The following DNAJC1 variants were observed in gnomAD, a reference collection of about 807,000 sequenced individuals.
DNAJC1 encodes the protein DnaJ heat shock protein family (Hsp40) member C1, also known as dnaJ homolog subfamily C member 1.
DNAJC1 carries 58 observed loss-of-function variants against 76.6 expected under a neutral mutation model. The ratio of observed to expected loss-of-function variants is 0.76; its 90% CI spans 0.61 to 0.94. DNAJC1 has a LOEUF of 0.94. Among genes scored for constraint, DNAJC1 ranks in the 40% least tolerant of loss-of-function variants. DNAJC1 has a pLI of 0.00. For missense variants in DNAJC1, 689 were observed against 677.3 expected (o/e 1.02, Z -0.19); for synonymous variants, 258 against 267.9 (o/e 0.96, Z 0.36).
intron 9 of DNAJC1, among the ~76,000 whole-genome samples, chr10:21,771,887 C>T (rs951852830): frequency 6.6e-6 from 1 of 152,150 alleles, no homozygotes; most frequent in African/African-American, 2.4e-5. Context: ...GATGTTTAAC[C>T]AACCTTGTGT....
chr10:21,765,063 A>G (rs1834282690), intron 10 of DNAJC1, among the ~76,000 whole-genome samples: 1 of 152,134 alleles, frequency 6.6e-6, no homozygotes, highest in South Asian at 2.1e-4. Context: ...TTTCAATGGT[A>G]TGATTTTGGA....
intron 9 of DNAJC1, among the ~76,000 whole-genome samples, chr10:21,780,167 C>T (rs902085285): frequency 9.9e-5 from 15 of 152,250 alleles, no homozygotes; most frequent in Non-Finnish European, 1.5e-4. Context: ...TTGGAAAACA[C>T]TCTTCAGGAT....
At chr10:21,777,421 G>A (rs1834466193) in intron 9 of DNAJC1, among the ~76,000 whole-genome samples, 1 of 152,220 alleles carries the variant, frequency 6.6e-6, no homozygotes, top group Non-Finnish European at 1.5e-5. Context: ...AGAGCATAAT[G>A]AGTCCTTGGA....
chr10:21,901,931 A>G, intron 7 of DNAJC1, among the ~76,000 whole-genome samples: 1 of 152,236 alleles, frequency 6.6e-6, no homozygotes, highest in East Asian at 1.9e-4. Flanking sequence ...AAAGTATACA[A>G]TGCAGAATAC....
At chr10:21,887,639 G>C (rs1026184360) in intron 7 of DNAJC1, among the ~76,000 whole-genome samples, 1 of 152,186 alleles carries the variant, frequency 6.6e-6, no homozygotes, top group East Asian at 1.9e-4. Context: ...AATAAGGAAA[G>C]GACTCCCTAT....
chr10:21,813,319 G>A (rs1329055956), intron 8 of DNAJC1, among the ~76,000 whole-genome samples: 2 of 149,258 alleles, frequency 1.3e-5, no homozygotes, highest in African/African-American at 4.9e-5. Flanking sequence ...CAGTGAGGCC[G>A]CTCAAGCGGC....
intron 9 of DNAJC1, among the ~76,000 whole-genome samples, chr10:21,791,314 C>CA (rs1394605604): frequency 1.3e-5 from 2 of 152,206 alleles, no homozygotes; most frequent in African/African-American, 4.8e-5. Flanking sequence ...ACCCCACACT[C>CA]AGCAGTGGAC....
intron 9 of DNAJC1, 139 bp from the exon 10 acceptor site, chr10:21,766,448 C>T: frequency 3.0e-6 from 2 of 665,586 alleles, no homozygotes; most frequent in Non-Finnish European, 5.3e-6. Flanking sequence ...TCGTCTGTCG[C>T]ATCCATTAAT....
intron 9 of DNAJC1, among the ~76,000 whole-genome samples, chr10:21,777,254 T>C (rs2131625234): frequency 6.6e-6 from 1 of 152,250 alleles, no homozygotes; most frequent in Middle Eastern, 3.4e-3. Context: ...TAAGTACAAA[T>C]TACAAATTCA....
At chr10:21,825,979 G>A (rs1198883205) in intron 8 of DNAJC1, among the ~76,000 whole-genome samples, 2 of 152,146 alleles carry the variant, frequency 1.3e-5, no homozygotes, top group Non-Finnish European at 2.9e-5. Context: ...GCTCATGCCT[G>A]TAATCCCAAC....
At chr10:21,898,261 A>G (rs1455621352) in intron 7 of DNAJC1, among the ~76,000 whole-genome samples, 1 of 152,256 alleles carries the variant, frequency 6.6e-6, no homozygotes, top group East Asian at 1.9e-4. Flanking sequence ...TAGATTTGGA[A>G]TACTCAATGG....
At chr10:21,803,270 A>C (rs1216880241) in intron 9 of DNAJC1, among the ~76,000 whole-genome samples, 1 of 152,130 alleles carries the variant, frequency 6.6e-6, no homozygotes, top group African/African-American at 2.4e-5. Context: ...TTTGGCAAGG[A>C]AACCCGGTCA....
intron 1 of DNAJC1, among the ~76,000 whole-genome samples, chr10:21,944,734 T>C (rs916333579): frequency 6.6e-6 from 1 of 152,172 alleles, no homozygotes; most frequent in Non-Finnish European, 1.5e-5. Flanking sequence ...CCTTAATATA[T>C]ACTGTTTTTG....
intron 1 of DNAJC1, among the ~76,000 whole-genome samples, chr10:21,996,406 A>G (rs766420135): frequency 5.3e-5 from 8 of 152,254 alleles, no homozygotes; most frequent in Non-Finnish European, 1.0e-4. Flanking sequence ...CAACTGCCAT[A>G]TAAATTCTCC....
chr10:21,983,694 C>T (rs1590079289), intron 1 of DNAJC1, among the ~76,000 whole-genome samples: 1 of 146,612 alleles, frequency 6.8e-6, no homozygotes. Context: ...ACATTCCAGC[C>T]GGGGCAACAG....
chr10:21,764,209 A>T (rs1442607542), intron 10 of DNAJC1, among the ~76,000 whole-genome samples: 1 of 152,254 alleles, frequency 6.6e-6, no homozygotes, highest in African/African-American at 2.4e-5. Context: ...GCCATTAAGA[A>T]GATGATACAG....
At chr10:21,962,770 C>T (rs1251383692) in intron 1 of DNAJC1, among the ~76,000 whole-genome samples, 1 of 151,190 alleles carries the variant, frequency 6.6e-6, no homozygotes, top group Non-Finnish European at 1.5e-5. Flanking sequence ...AAAATCATTC[C>T]TACTGTCCCT....
intron 8 of DNAJC1, among the ~76,000 whole-genome samples, chr10:21,829,204 T>A (rs760549926): frequency 2.3e-4 from 35 of 151,114 alleles, no homozygotes; most frequent in Non-Finnish European, 3.2e-4. Flanking sequence ...CTGATTTTTT[T>A]GTTGTTGTTC....
intron 1 of DNAJC1, among the ~76,000 whole-genome samples, chr10:21,967,830 G>T (rs961554946): frequency 2.2e-4 from 33 of 152,118 alleles, no homozygotes; most frequent in African/African-American, 7.0e-4. Flanking sequence ...CTCATGTATT[G>T]CTTTTTAAGG....
Sources: gnomAD v4.1 joint callset for allele counts (sites outside exome capture counted in the v4.1 genomes callset) on GRCh38, gnomAD v4.1.1 for gene constraint, MANE v1.5 for transcripts, NCBI Gene and HGNC (gene_info 2026-07-23, HGNC 2026-07-21) for gene names.